The following KDM4C variants were observed in gnomAD, a reference collection of about 807,000 sequenced individuals.
KDM4C encodes lysine demethylase 4C.
A neutral mutation model predicts 129.3 loss-of-function variants in KDM4C; 81 were observed. The observed-to-expected ratio is 0.63, with a 90% CI of 0.52 to 0.75. The LOEUF is 0.75. KDM4C is among the 30% of genes least tolerant of loss of function. The probability of loss-of-function intolerance (pLI) is 0.00; values close to 1 mark genes in which losing one functional copy is unlikely to be tolerated. For missense variants in KDM4C, 1,457 were observed against 1,304.0 expected (o/e 1.12, Z -1.81); for synonymous variants, 573 against 456.1 (o/e 1.26, Z -3.26).
intron 1 of KDM4C, among the ~76,000 whole-genome samples, chr9:6,776,598 CTTTTTT>C (rs34450311): frequency 3.8e-5 from 4 of 106,194 alleles, no homozygotes; most frequent in Admixed American, 1.0e-4. Flanking sequence ...CTCAAACCCA[CTTTTTT>C]TTTTTTTTTT....
rs531446114 is a variant in KDM4C at position 6,738,441 on chromosome 9, C to G, written c.49+17444C>G. On this transcript the variant is annotated intron_variant, in intron 1 of 17. Coordinates refer to the KDM4C transcript ENST00000536108. ...AGTTAGCAGAAACCATGCCACTGTACTCCAGCTTGGGCGACAGGTCCTCAC... is the reference window on the plus strand; with the variant it reads ...AGTTAGCAGAAACCATGCCACTGTAGTCCAGCTTGGGCGACAGGTCCTCAC... Among the ~76,000 whole-genome samples, 3 of 152,280 alleles carry G rather than the reference C, an allele frequency of 2.0e-5. No individual in the cohort carries two copies. The East Asian group carries it at 5.8e-4, about 29-fold the overall frequency.
chr9:6,730,605 ACT>A (rs1478522169), intron 1 of KDM4C, among the ~76,000 whole-genome samples: 1 of 147,424 alleles, frequency 6.8e-6, no homozygotes, highest in South Asian at 2.1e-4. Flanking sequence ...ACAGAGCGAG[ACT>A]CTGTCTCAAA....
intron 8 of KDM4C, among the ~76,000 whole-genome samples, chr9:6,947,064 T>A (rs1181357484): frequency 6.6e-6 from 1 of 152,136 alleles, no homozygotes; most frequent in Non-Finnish European, 1.5e-5. Context: ...GAAAATGTCG[T>A]ACTTTTGTAA....
At chr9:6,927,951 T>A (rs1173046589) in intron 8 of KDM4C, among the ~76,000 whole-genome samples, 1 of 152,216 alleles carries the variant, frequency 6.6e-6, no homozygotes, top group Non-Finnish European at 1.5e-5. Flanking sequence ...GAACTTTTGG[T>A]ATCATCCTAC....
chr9:7,099,705 A>C (rs1195168568), intron 17 of KDM4C, among the ~76,000 whole-genome samples: 1 of 152,154 alleles, frequency 6.6e-6, no homozygotes, highest in Non-Finnish European at 1.5e-5. Context: ...CCCCGCCAAG[A>C]TGTGCTGGAA....
chr9:7,036,287 C>G (rs1251767903), intron 15 of KDM4C, among the ~76,000 whole-genome samples: 1 of 152,072 alleles, frequency 6.6e-6, no homozygotes, highest in East Asian at 1.9e-4. Flanking sequence ...AAAGAATAAG[C>G]CAGCTGGGTT....
At chr9:6,722,149 T>G (rs1487198018) in intron 1 of KDM4C, among the ~76,000 whole-genome samples, 1 of 152,206 alleles carries the variant, frequency 6.6e-6, no homozygotes, top group African/African-American at 2.4e-5. Flanking sequence ...GCATCCAACC[T>G]GAGCCTGGTA....
intron 17 of KDM4C, among the ~76,000 whole-genome samples, chr9:7,079,870 G>A (rs1467518988): frequency 6.6e-6 from 1 of 152,090 alleles, no homozygotes; most frequent in Non-Finnish European, 1.5e-5. Context: ...TCCCAAGCTT[G>A]ATCTGCATGA....
rs189454271 is a variant in KDM4C, at chr9:6,837,186, T to C, written c.436-12321T>C. On this transcript the variant is annotated intron_variant, in intron 4 of 21. Coordinates refer to ENST00000381309, the MANE Select transcript of KDM4C (RefSeq NM_015061.6). ...GATCGTCCCACCTCAGCCTCCTGAGTAGCAGGGACCACAAGCTTGCACCAT... is the reference window on the plus strand; with the variant it reads ...GATCGTCCCACCTCAGCCTCCTGAGCAGCAGGGACCACAAGCTTGCACCAT... Among the ~76,000 whole-genome samples, 39 of 152,220 alleles carry C rather than the reference T, an allele frequency of 2.6e-4. No homozygotes were observed. In the East Asian group the frequency reaches 6.6e-3, roughly 26 times the overall value.
chr9:6,840,482 T>C (rs1372227692), intron 4 of KDM4C, among the ~76,000 whole-genome samples: 3 of 151,892 alleles, frequency 2.0e-5, no homozygotes, highest in Non-Finnish European at 4.4e-5. Context: ...CTGTAACCTC[T>C]GCCTCCCAGG....
chr9:6,972,499 G>A (rs972835740), intron 8 of KDM4C, among the ~76,000 whole-genome samples: 2 of 152,110 alleles, frequency 1.3e-5, no homozygotes, highest in Non-Finnish European at 2.9e-5. Context: ...TTAAGTTGGT[G>A]TATTAATTCA....
chr9:7,166,550 A>C (rs1844410477), intron 20 of KDM4C, among the ~76,000 whole-genome samples: 1 of 152,152 alleles, frequency 6.6e-6, no homozygotes, highest in African/African-American at 2.4e-5. Flanking sequence ...TATAATAGTA[A>C]AGGTACTGGA....
chr9:6,826,594 G>T (rs893062243), intron 4 of KDM4C, among the ~76,000 whole-genome samples: 1 of 152,060 alleles, frequency 6.6e-6, no homozygotes, highest in South Asian at 2.1e-4. Context: ...GGCCGGGCGC[G>T]GTGGCTTATG....
chr9:6,931,913 G>A (rs1202098574), intron 8 of KDM4C, among the ~76,000 whole-genome samples: 1 of 152,218 alleles, frequency 6.6e-6, no homozygotes, highest in Admixed American at 6.5e-5. Context: ...TCTAAAGGTA[G>A]CTGTCCAGTT....
chr9:7,097,138 ACTT>A (rs763698225), intron 17 of KDM4C, among the ~76,000 whole-genome samples: 6 of 151,992 alleles, frequency 3.9e-5, no homozygotes, highest in Non-Finnish European at 8.8e-5. Flanking sequence ...CTCACAGTCT[ACTT>A]CTTCTTAGTG....
chr9:6,972,266 T>TAC (rs1390972294), intron 8 of KDM4C, among the ~76,000 whole-genome samples: 3 of 151,738 alleles, frequency 2.0e-5, no homozygotes, highest in Non-Finnish European at 4.4e-5. Flanking sequence ...TATATATATA[T>TAC]ACACACATAT....
chr9:6,794,914 A>G (rs940140745), intron 2 of KDM4C, among the ~76,000 whole-genome samples: 8 of 152,190 alleles, frequency 5.3e-5, no homozygotes, highest in Non-Finnish European at 1.0e-4. Context: ...CCAACTTGAG[A>G]TGGTTTGTGT....
At chr9:6,913,451 C>T (rs1232685715) in intron 8 of KDM4C, among the ~76,000 whole-genome samples, 3 of 152,174 alleles carry the variant, frequency 2.0e-5, no homozygotes, top group Non-Finnish European at 2.9e-5. Flanking sequence ...CATGTGTTTC[C>T]TTCTTTAGCT....
At chr9:6,959,494 A>G (rs1415210922) in intron 8 of KDM4C, among the ~76,000 whole-genome samples, 2 of 152,306 alleles carry the variant, frequency 1.3e-5, no homozygotes, top group Admixed American at 1.3e-4. Context: ...ATCTTAGCAT[A>G]GTGCCACCTG....
Sources: allele counts gnomAD v4.1 joint callset (sites outside exome capture counted in the v4.1 genomes callset), GRCh38; gene constraint gnomAD v4.1.1; transcripts MANE v1.5; gene names NCBI Gene and HGNC (gene_info 2026-07-23, HGNC 2026-07-21).